The following LPP variants were observed in gnomAD, a reference collection of about 807,000 sequenced individuals.
LPP encodes the protein LIM domain containing preferred translocation partner in lipoma.
A neutral mutation model predicts 60.4 loss-of-function variants in LPP; 38 were observed. The observed-to-expected ratio is 0.63, with a 90% confidence interval of 0.49 to 0.83. The LOEUF (loss-of-function observed/expected upper bound fraction) is 0.83, where lower values mean the gene tolerates loss of function less well. Among genes scored for constraint, LPP ranks in the 40% least tolerant of loss-of-function variants. The probability of loss-of-function intolerance (pLI) is 0.00; values close to 1 mark genes in which losing one functional copy is unlikely to be tolerated. For synonymous variants in LPP, 328 were observed against 290.8 expected, an observed-to-expected ratio of 1.13 and a Z score of -1.30; for missense variants, 902 against 783.6, an observed-to-expected ratio of 1.15 and a Z score of -1.80.
intron 9 of LPP, among the ~76,000 whole-genome samples, chr3:188,805,719 A>G (rs2151230330): frequency 6.6e-6 from 1 of 151,848 alleles, no homozygotes; most frequent in Middle Eastern, 3.4e-3. Flanking sequence ...GTTTTTTTCT[A>G]ATATGAACAT....
chr3:188,843,632 A>C (rs1760636912), intron 9 of LPP, among the ~76,000 whole-genome samples: 1 of 151,072 alleles, frequency 6.6e-6, no homozygotes, highest in African/African-American at 2.4e-5. Context: ...CTAAAAATAC[A>C]AAAAATTAGC....
chr3:188,497,118 G>C (rs1810467432), intron 5 of LPP, among the ~76,000 whole-genome samples: 3 of 151,890 alleles, frequency 2.0e-5, no homozygotes, highest in South Asian at 4.1e-4. Flanking sequence ...TTTATGAGAG[G>C]CTTAAAAAAT....
At chr3:188,526,111 C>T (rs1314622681) in intron 6 of LPP, among the ~76,000 whole-genome samples, 1 of 152,190 alleles carries the variant, frequency 6.6e-6, no homozygotes, top group Non-Finnish European at 1.5e-5. Context: ...CTGTTTGACT[C>T]TTGCGTGACA....
At chr3:188,437,313 T>TC (rs1358098159) in intron 4 of LPP, among the ~76,000 whole-genome samples, 2 of 152,200 alleles carry the variant, frequency 1.3e-5, no homozygotes, top group African/African-American at 4.8e-5. Flanking sequence ...GCCTTGTGTA[T>TC]CCTTCAACAG....
chr3:188,216,236 T>C (rs1431773535), intron 1 of LPP, among the ~76,000 whole-genome samples: 1 of 152,000 alleles, frequency 6.6e-6, no homozygotes, highest in Non-Finnish European at 1.5e-5. Flanking sequence ...CTGGCCATGA[T>C]TTTTCTGACT....
chr3:188,703,482 C>T (rs759421424), intron 7 of LPP, among the ~76,000 whole-genome samples: 4 of 152,084 alleles, frequency 2.6e-5, no homozygotes, highest in East Asian at 1.9e-4. Flanking sequence ...CAACTCTTAA[C>T]GGAGGAACCC....
chr3:188,684,868 G>A (rs1203219705), intron 7 of LPP, among the ~76,000 whole-genome samples: 1 of 152,144 alleles, frequency 6.6e-6, no homozygotes, highest in East Asian at 1.9e-4. Flanking sequence ...TCAATTGGCA[G>A]AATTAATGAA....
chr3:188,731,708 G>C (rs1382139755), intron 8 of LPP, among the ~76,000 whole-genome samples: 2 of 151,954 alleles, frequency 1.3e-5, no homozygotes, highest in Admixed American at 1.3e-4. Context: ...ATTTTCAGTA[G>C]AGACAGGGTT....
chr3:188,662,058 G>A (rs1854701227), intron 7 of LPP, among the ~76,000 whole-genome samples: 1 of 152,162 alleles, frequency 6.6e-6, no homozygotes, highest in African/African-American at 2.4e-5. Context: ...GGAAAAGAAG[G>A]GAGAAATGTT....
At chr3:188,211,392 A>C (rs1405282141) in intron 1 of LPP, among the ~76,000 whole-genome samples, 1 of 152,176 alleles carries the variant, frequency 6.6e-6, no homozygotes, top group East Asian at 1.9e-4. Flanking sequence ...TCTGACCTCC[A>C]GAAAGCCTTT....
chr3:188,504,778 A>C (rs1343634659), intron 5 of LPP, among the ~76,000 whole-genome samples: 1 of 150,666 alleles, frequency 6.6e-6, no homozygotes, highest in Non-Finnish European at 1.5e-5. Context: ...AATGAGAAAA[A>C]GTAAAAAATA....
chr3:188,238,905 A>T (rs2149425151), intron 2 of LPP, among the ~76,000 whole-genome samples: 2 of 152,340 alleles, frequency 1.3e-5, no homozygotes, highest in South Asian at 2.1e-4. Flanking sequence ...AAAACACAGT[A>T]TTTGCCAACT....
intron 9 of LPP, among the ~76,000 whole-genome samples, chr3:188,862,272 A>T (rs1249444766): frequency 1.3e-5 from 2 of 152,136 alleles, no homozygotes; most frequent in Non-Finnish European, 2.9e-5. Context: ...TCATGGGAGG[A>T]GAGAGGAGTG....
intron 7 of LPP, among the ~76,000 whole-genome samples, chr3:188,625,586 T>A (rs1846690059): frequency 6.6e-6 from 1 of 152,188 alleles, no homozygotes; most frequent in African/African-American, 2.4e-5. Flanking sequence ...GATCATTGAA[T>A]CTTTGTCCCT....
intron 2 of LPP, among the ~76,000 whole-genome samples, chr3:188,335,304 T>G (rs1761337368): frequency 1.3e-5 from 2 of 152,238 alleles, no homozygotes; most frequent in African/African-American, 4.8e-5. Flanking sequence ...ATGGTTTTTG[T>G]ACTTTGTTTT....
At chr3:188,395,651 G>A (rs983311412) in intron 3 of LPP, among the ~76,000 whole-genome samples, 1 of 152,036 alleles carries the variant, frequency 6.6e-6, no homozygotes, top group African/African-American at 2.4e-5. Flanking sequence ...TTAAATTACA[G>A]GCCAGGTGTG....
At chr3:188,788,840 ATTTCATTTTTTGTTTTT>A (rs1334945861) in intron 9 of LPP, among the ~76,000 whole-genome samples, 2 of 152,030 alleles carry the variant, frequency 1.3e-5, no homozygotes, top group African/African-American at 4.8e-5. Context: ...GCCAGCACTC[ATTTCATTTTTTGTTTTT>A]TCCATTTTCT....
chr3:188,204,253 G>A (rs1181469005), intron 1 of LPP, among the ~76,000 whole-genome samples: 1 of 152,116 alleles, frequency 6.6e-6, no homozygotes, highest in Non-Finnish European at 1.5e-5. Flanking sequence ...TATAAAGGGA[G>A]ACGTGGCTAA....
In LPP at chr3:188,889,899, TTA is replaced by T; in HGVS notation, c.*15422_*15423del. ...CCAATTTCCACACTAGTCATTTTTTTTATTTTTTAGAGGATCAGATTTTAGCG... is the reference window on the plus strand; with the variant it reads ...CCAATTTCCACACTAGTCATTTTTTTTTTTTTAGAGGATCAGATTTTAGCG... On this transcript the variant is annotated 3_prime_UTR_variant, in exon 12 of 12. Coordinates refer to ENST00000617246, the MANE Select transcript of LPP (RefSeq NM_001375462.1). The T allele has an allele frequency of 4.7e-6, 1 of 211,674 alleles. No individual in the cohort carries two copies. The highest frequency in any genetic ancestry group is 9.6e-6 in the Non-Finnish European group (1 of 104,262). The allele number at this position is 211,674 out of a possible 1,614,324, so 13.1% of individuals were successfully genotyped here.
Sources: allele counts gnomAD v4.1 joint callset (sites outside exome capture counted in the v4.1 genomes callset), GRCh38; gene constraint gnomAD v4.1.1; transcripts MANE v1.5; gene names NCBI Gene and HGNC (gene_info 2026-07-23, HGNC 2026-07-21).